The following C3orf70 variants were observed in gnomAD, a reference collection of about 807,000 sequenced individuals.
The protein encoded by C3orf70 is UPF0524 protein C3orf70.
C3orf70 carries 15 observed loss-of-function variants against 20.7 expected under a neutral mutation model. The observed-to-expected ratio is 0.72, with a 90% confidence interval of 0.48 to 1.11. The LOEUF is 1.11. C3orf70 is among the 50% of genes most tolerant of loss of function. The pLI, the probability that C3orf70 is intolerant of heterozygous loss-of-function variation, is 0.00. For missense variants in C3orf70, 332 were observed against 317.6 expected (o/e 1.05, Z -0.34); for synonymous variants, 161 against 125.7 (o/e 1.28, Z -1.88).
In C3orf70 at chr3:185,078,301, C is replaced by T. The variant is rs751514726; in HGVS notation, c.*4706G>A. The T allele has an allele frequency of 3.9e-5, 6 of 152,492 alleles. No individual in the cohort carries two copies. Among genetic ancestry groups the T allele is most frequent in the Non-Finnish European group, 7.4e-5 (5 of 68,010 alleles). The allele number at this position is 152,492 out of a possible 1,614,324, so 9.4% of individuals were successfully genotyped here. On this transcript the variant is annotated 3_prime_UTR_variant, in exon 2 of 2. Coordinates refer to ENST00000335012, the MANE Select transcript of C3orf70 (RefSeq NM_001025266.3). ...CGATATAGAAGCTCAATATTAAAGCCGCTAGTGATAAGTCGCTTTGAGAAG... is the reference window on the plus strand; with the variant it reads ...CGATATAGAAGCTCAATATTAAAGCTGCTAGTGATAAGTCGCTTTGAGAAG...
At chr3:185,141,408 T>C (rs984094614) in intron 1 of C3orf70, among the ~76,000 whole-genome samples, 2 of 152,008 alleles carry the variant, frequency 1.3e-5, no homozygotes, top group Non-Finnish European at 2.9e-5. Context: ...ACTTGCACTC[T>C]TGAACATTTA....
intron 1 of C3orf70, among the ~76,000 whole-genome samples, chr3:185,101,531 T>C (rs867735032): frequency 6.6e-6 from 1 of 152,212 alleles, no homozygotes; most frequent in Non-Finnish European, 1.5e-5. Flanking sequence ...AATTGGCTCA[T>C]GGTTTTGCAG....
At chr3:185,087,399 T>C (rs57121795) in intron 1 of C3orf70, among the ~76,000 whole-genome samples, 3,678 of 152,172 alleles carry the variant, frequency 0.024, 120 homozygotes, top group African/African-American at 0.083. Context: ...ACTGGCAATA[T>C]GCAAAAGCTG....
At chr3:185,134,851 G>T (rs778838542) in intron 1 of C3orf70, among the ~76,000 whole-genome samples, 4 of 152,060 alleles carry the variant, frequency 2.6e-5, no homozygotes, top group African/African-American at 7.2e-5. Context: ...CCCCATGGTG[G>T]TATCAGTGGA....
At chr3:185,106,532 A>G (rs1259269658) in intron 1 of C3orf70, among the ~76,000 whole-genome samples, 2 of 152,258 alleles carry the variant, frequency 1.3e-5, no homozygotes, top group Non-Finnish European at 2.9e-5. Context: ...AAATGTAAAA[A>G]AGGAAAACAC....
intron 1 of C3orf70, among the ~76,000 whole-genome samples, chr3:185,144,830 G>T (rs990400973): frequency 6.6e-6 from 1 of 152,194 alleles, no homozygotes; most frequent in African/African-American, 2.4e-5. Flanking sequence ...TAAGAGATGG[G>T]GGTCTTGCAA....
chr3:185,097,936 T>C (rs1189249333), intron 1 of C3orf70, among the ~76,000 whole-genome samples: 1 of 152,254 alleles, frequency 6.6e-6, no homozygotes, highest in African/African-American at 2.4e-5. Context: ...TTTATGGTTT[T>C]AGCCTGATAA....
chr3:185,131,125 T>C (rs1012665684), intron 1 of C3orf70, among the ~76,000 whole-genome samples: 1 of 152,228 alleles, frequency 6.6e-6, no homozygotes, highest in Admixed American at 6.5e-5. Context: ...AACACTTATC[T>C]TTCTTTGTGA....
intron 1 of C3orf70, among the ~76,000 whole-genome samples, chr3:185,139,239 G>A (rs912282171): frequency 1.6e-4 from 24 of 151,832 alleles, no homozygotes; most frequent in Non-Finnish European, 3.4e-4. Context: ...CAATGACGAC[G>A]AGAGAAAAAG....
chr3:185,113,188 T>A (rs150216624), intron 1 of C3orf70, among the ~76,000 whole-genome samples: 1 of 150,822 alleles, frequency 6.6e-6, no homozygotes, highest in Non-Finnish European at 1.5e-5. Flanking sequence ...CTCAAGCCTG[T>A]AATCTCAGCA....
intron 1 of C3orf70, among the ~76,000 whole-genome samples, chr3:185,130,172 C>T (rs372293738): frequency 4.6e-5 from 7 of 152,086 alleles, no homozygotes; most frequent in Non-Finnish European, 7.3e-5. Context: ...ATATATTGGC[C>T]GGATGCAGTG....
At chr3:185,135,138 T>A (rs751645008) in intron 1 of C3orf70, among the ~76,000 whole-genome samples, 1 of 151,970 alleles carries the variant, frequency 6.6e-6, no homozygotes, top group African/African-American at 2.4e-5. Context: ...CAGGGAGAAC[T>A]CAAACTAAAT....
Position 185,082,159 on chromosome 3 carries a change from C to G in C3orf70, c.*848G>C, listed in dbSNP as rs191374444. The G allele has an allele frequency of 8.5e-5, 13 of 152,282 alleles. No homozygotes were observed. The highest frequency in any genetic ancestry group is 2.9e-4 in the African/African-American group (12 of 41,556). The allele number at this position is 152,282 out of a possible 1,614,324, so 9.4% of individuals were successfully genotyped here. On this transcript the variant is annotated 3_prime_UTR_variant, in exon 2 of 2. Transcript: ENST00000335012. ...CAGCTCAAATGCTGAAACACATTCC[C>G]CAGCTAGCCCCAGCCAAGTAAACCT...
At chr3:185,117,418 T>TACACACACACAC (rs141665642) in intron 1 of C3orf70, among the ~76,000 whole-genome samples, 2 of 135,112 alleles carry the variant, frequency 1.5e-5, no homozygotes, top group Non-Finnish European at 3.4e-5. Context: ...ACCACACACA[T>TACACACACACAC]ACACACACAC....
intron 1 of C3orf70, among the ~76,000 whole-genome samples, chr3:185,120,843 G>A (rs542760772): frequency 4.6e-5 from 7 of 151,016 alleles, no homozygotes; most frequent in Non-Finnish European, 4.4e-5. Flanking sequence ...AGAACTAAAA[G>A]TAGAACTATC....
chr3:185,120,599 C>T (rs967768145), intron 1 of C3orf70, among the ~76,000 whole-genome samples: 4 of 150,788 alleles, frequency 2.7e-5, no homozygotes, highest in African/African-American at 9.8e-5. Flanking sequence ...AGCAGATATA[C>T]AAATGGGCAA....
At chr3:185,149,276 C>T (rs1716936292) in intron 1 of C3orf70, among the ~76,000 whole-genome samples, 1 of 151,680 alleles carries the variant, frequency 6.6e-6, no homozygotes, top group Non-Finnish European at 1.5e-5. Context: ...CCTGTAATTC[C>T]AGCTACTTGG....
chr3:185,123,056 T>C (rs1211409852), intron 1 of C3orf70, among the ~76,000 whole-genome samples: 1 of 151,150 alleles, frequency 6.6e-6, no homozygotes, highest in Non-Finnish European at 1.5e-5. Context: ...CACACACCTG[T>C]AGTCCCAACT....
At chr3:185,148,781 T>A (rs979056632) in intron 1 of C3orf70, among the ~76,000 whole-genome samples, 2 of 152,222 alleles carry the variant, frequency 1.3e-5, no homozygotes, top group African/African-American at 2.4e-5. Context: ...GATGCTTTCC[T>A]CCCAGGCAAC....
Sources: allele counts gnomAD v4.1 joint callset (sites outside exome capture counted in the v4.1 genomes callset), GRCh38; gene constraint gnomAD v4.1.1; transcripts MANE v1.5; gene names NCBI Gene and HGNC (gene_info 2026-07-23, HGNC 2026-07-21).